Variants in NTN1 observed in about 807,000 individuals in gnomAD.
NTN1 encodes netrin-1.
A neutral mutation model predicts 54.2 loss-of-function variants in NTN1; 11 were observed. The ratio of observed to expected loss-of-function variants is 0.20; its 90% confidence interval spans 0.13 to 0.34. NTN1 has a LOEUF of 0.34. Ranked by LOEUF, NTN1 falls within the 10% of genes least tolerant of loss-of-function variation. The probability of loss-of-function intolerance (pLI) is 1.00; values close to 1 mark genes in which losing one functional copy is unlikely to be tolerated. For synonymous variants in NTN1, 371 were observed against 382.0 expected, an observed-to-expected ratio of 0.97 and a Z score of 0.33; for missense variants, 740 against 893.1, an observed-to-expected ratio of 0.83 and a Z score of 2.18.
At chr17:9,123,575 T>A (rs2092237411) in intron 2 of NTN1, among the ~76,000 whole-genome samples, 1 of 152,256 alleles carries the variant, frequency 6.6e-6, no homozygotes, top group African/African-American at 2.4e-5. Context: ...AAATGTTCAC[T>A]TACATTTTCT....
At chr17:9,140,069 C>T (rs887915816) in intron 2 of NTN1, among the ~76,000 whole-genome samples, 14 of 152,120 alleles carry the variant, frequency 9.2e-5, no homozygotes, top group African/African-American at 3.4e-4. Flanking sequence ...ATTCACTAAA[C>T]TGGTCTCATG....
chr17:9,149,641 G>A (rs2092322074), intron 2 of NTN1, among the ~76,000 whole-genome samples: 2 of 152,066 alleles, frequency 1.3e-5, no homozygotes, highest in Admixed American at 1.3e-4. Context: ...GGAAACCCTG[G>A]AAGGCTGCAC....
At chr17:9,078,554 A>G (rs2092059406) in intron 2 of NTN1, among the ~76,000 whole-genome samples, 2 of 152,220 alleles carry the variant, frequency 1.3e-5, no homozygotes, top group African/African-American at 4.8e-5. Flanking sequence ...ATTTCAGGGT[A>G]GCTTCTGTTC....
intron 6 of NTN1, among the ~76,000 whole-genome samples, chr17:9,229,133 T>C (rs534238845): frequency 3.4e-4 from 51 of 149,104 alleles, no homozygotes; most frequent in Non-Finnish European, 3.3e-4. Context: ...TTACTGTGAG[T>C]GTGTGACTGT....
chr17:9,203,054 T>G (rs1431108112), intron 5 of NTN1, among the ~76,000 whole-genome samples: 2 of 152,198 alleles, frequency 1.3e-5, no homozygotes, highest in Admixed American at 6.5e-5. Context: ...CCCGAGTAGC[T>G]GGGACTACAG....
At chr17:9,104,024 G>A (rs141456496) in intron 2 of NTN1, among the ~76,000 whole-genome samples, 25 of 143,100 alleles carry the variant, frequency 1.7e-4, no homozygotes, top group African/African-American at 6.3e-4. Context: ...AGGAGTCAGA[G>A]GTTGCAGTGA....
At chr17:9,215,262 C>CACACAA (rs1188236962) in intron 5 of NTN1, among the ~76,000 whole-genome samples, 63 of 138,740 alleles carry the variant, frequency 4.5e-4, no homozygotes, top group Middle Eastern at 3.6e-3. Flanking sequence ...CACACACACA[C>CACACAA]ACACACACAC....
At chr17:9,048,600 G>A (rs1262225555) in intron 2 of NTN1, among the ~76,000 whole-genome samples, 2 of 151,828 alleles carry the variant, frequency 1.3e-5, no homozygotes, top group Non-Finnish European at 2.9e-5. Flanking sequence ...TGGCGTCTTC[G>A]TCCAATAGAA....
At chr17:9,228,847 T>TGTGTGA (rs942076260) in intron 6 of NTN1, among the ~76,000 whole-genome samples, 3 of 114,918 alleles carry the variant, frequency 2.6e-5, no homozygotes, top group Non-Finnish European at 5.2e-5. Context: ...TGTGTGTGTG[T>TGTGTGA]GTGTGACTGT....
Position 9,239,960 on chromosome 17 carries a change from A to G in NTN1, c.1807A>G (p.Lys603Glu). 1.3e-6 allele frequency: 1 copy of G among 754,808 alleles called. No individual in the cohort carries two copies. Among genetic ancestry groups the G allele is most frequent in the Non-Finnish European group, 2.0e-6 (1 of 497,902 alleles). 46.8% of individuals were successfully genotyped at this position (754,808 alleles called of 1,614,324 possible). A position where few individuals can be genotyped will look rare whatever the true frequency, so the allele number is the denominator to read the frequency against. Residue 603 changes from lysine (K) to glutamate (E), a missense_variant, in exon 7 of 7, where the codon AAG (lysine) becomes GAG (glutamate). Coordinates refer to ENST00000173229, the MANE Select transcript of NTN1 (RefSeq NM_004822.3). The surrounding 1 kb of genome is among the most constrained non-coding windows in gnomAD (Gnocchi z 5.2). ...GCGTGAGAAGAAGGGCAAGTGCAAG[A>G]AGGCCTAGCGCCGAGGCAGCGGGCG... ...QQREKKGKCK[K>E]A
In NTN1 at chr17:9,236,981, G is replaced by A. The variant is rs74720125; in HGVS notation, c.1487-2659G>A. The stretch of plus-strand genomic sequence containing the variant: ...TGGGAGGCCTCTGCAGGAAGTCTAA[G>A]GCTAGGCCTTCTCCAGCCAGCTCTT... On this transcript the variant is annotated intron_variant, in intron 6 of 6. Transcript: ENST00000173229. Among the ~76,000 whole-genome samples the A allele has an allele frequency of 2.0e-3, 304 of 152,292 alleles. 1 individual carries two copies. Among genetic ancestry groups the A allele is most frequent in the African/African-American group, 7.2e-3 (298 of 41,548 alleles).
intron 5 of NTN1, among the ~76,000 whole-genome samples, chr17:9,208,431 C>T (rs891237121): frequency 7.2e-5 from 11 of 152,114 alleles, no homozygotes; most frequent in East Asian, 1.9e-4. Context: ...CCAGTGGGTT[C>T]GCTGAGCAGT....
intron 3 of NTN1, among the ~76,000 whole-genome samples, chr17:9,164,187 G>A (rs2092367202): frequency 6.6e-6 from 1 of 152,202 alleles, no homozygotes; most frequent in African/African-American, 2.4e-5. Flanking sequence ...CACTTTGGGA[G>A]GCCAAGACGG....
At chr17:9,093,552 G>GT (rs772971757) in intron 2 of NTN1, among the ~76,000 whole-genome samples, 30 of 152,232 alleles carry the variant, frequency 2.0e-4, no homozygotes, top group Non-Finnish European at 3.4e-4. Flanking sequence ...TGGTAGAGAT[G>GT]GTATCTTGCT....
intron 2 of NTN1, among the ~76,000 whole-genome samples, chr17:9,128,265 A>G (rs1280478618): frequency 6.6e-6 from 1 of 151,404 alleles, no homozygotes; most frequent in Non-Finnish European, 1.5e-5. Flanking sequence ...AGCTGAGATC[A>G]TGCCACTGCA....
chr17:9,179,933 G>GCTCTCCCATCGCCC lies in NTN1; in HGVS notation c.1336_1349dup (p.Cys451LeufsTer7). On this transcript the variant is annotated frameshift_variant, in exon 4 of 7. Coordinates refer to ENST00000173229, the MANE Select transcript of NTN1 (RefSeq NM_004822.3). LOFTEE classifies it high-confidence loss of function. The stretch of plus-strand genomic sequence containing the variant: ...TGCGCCAAAGGCTACCAGCAGAGCC[G>GCTCTCCCATCGCCC]CTCTCCCATCGCCCCCTGCATAAGT... The GCTCTCCCATCGCCC allele has an allele frequency of 6.2e-7, 1 of 1,613,630 alleles. No homozygotes were observed. The highest frequency in any genetic ancestry group is 8.5e-7 in the Non-Finnish European group (1 of 1,179,920).
rs945577619 is a variant in NTN1 at position 9,212,789 on chromosome 17, G to A, written c.1412-8379G>A. ...CCGACAGCCCAGAAGCAGAGCGGCA[G>A]AGGTGTTGCGAGCGAGTGGGCCAGG... On this transcript the variant is annotated intron_variant, in intron 5 of 6. Coordinates refer to ENST00000173229, the MANE Select transcript of NTN1 (RefSeq NM_004822.3). The surrounding 1 kb of genome is among the most constrained non-coding windows in gnomAD (Gnocchi z 5.5). Among the ~76,000 whole-genome samples the A allele has an allele frequency of 6.6e-6, 1 of 152,246 alleles. No individual in the cohort carries two copies. The highest frequency in any genetic ancestry group is 2.4e-5 in the African/African-American group (1 of 41,468).
chr17:9,117,572 C>T (rs1297260271), intron 2 of NTN1, among the ~76,000 whole-genome samples: 8 of 151,868 alleles, frequency 5.3e-5, no homozygotes, highest in Middle Eastern at 3.2e-3. Flanking sequence ...GGTGAAACCC[C>T]GTCTCTACTA....
intron 2 of NTN1, among the ~76,000 whole-genome samples, chr17:9,103,854 G>A (rs2092157725): frequency 6.6e-6 from 1 of 151,982 alleles, no homozygotes; most frequent in Admixed American, 6.6e-5. Flanking sequence ...GGGAGGTCGA[G>A]GTGGGTGGAT....
Sources: gnomAD v4.1 joint callset for allele counts (sites outside exome capture counted in the v4.1 genomes callset) on GRCh38, gnomAD v4.1.1 for gene constraint, Gnocchi (gnomAD v3.1) non-coding constraint, MANE v1.5 for transcripts, NCBI Gene and HGNC (gene_info 2026-07-23, HGNC 2026-07-21) for gene names.